The following CSMD1 variants were observed in gnomAD, a reference collection of about 807,000 sequenced individuals.
CSMD1 encodes CUB and sushi domain-containing protein 1.
Under a neutral mutation model 417.5 loss-of-function variants are expected in CSMD1, and 213 were observed. That is an observed-to-expected ratio of 0.51 (90% CI 0.46 to 0.57). The LOEUF is 0.57. Among genes scored for constraint, CSMD1 ranks in the 20% least tolerant of loss-of-function variants. The probability of loss-of-function intolerance (pLI) is 0.00; values close to 1 mark genes in which losing one functional copy is unlikely to be tolerated. For synonymous variants in CSMD1, 2,862 were observed against 1,736.8 expected (o/e 1.65, Z -16.11); for missense variants, 6,923 against 4,529.7 (o/e 1.53, Z -15.17).
intron 1 of CSMD1, among the ~76,000 whole-genome samples, chr8:4,992,089 C>T (rs974717316): frequency 6.6e-6 from 1 of 152,182 alleles, no homozygotes; most frequent in Non-Finnish European, 1.5e-5. Context: ...CTGGGACCTG[C>T]AGCGCGCAAG....
chr8:4,051,762 G>C (rs549800425), intron 3 of CSMD1, among the ~76,000 whole-genome samples: 1 of 152,242 alleles, frequency 6.6e-6, no homozygotes, highest in Non-Finnish European at 1.5e-5. Context: ...TGCTGGTTTT[G>C]GTAGGGCTCC....
intron 2 of CSMD1, among the ~76,000 whole-genome samples, chr8:4,608,374 G>C (rs1216935824): frequency 1.3e-5 from 2 of 152,198 alleles, no homozygotes; most frequent in African/African-American, 2.4e-5. Flanking sequence ...GAACATGGTG[G>C]AGTGGCAGAG....
chr8:3,575,111 A>T (rs771982664), intron 9 of CSMD1, 45 bp from the exon 10 acceptor site: 1 of 1,594,654 alleles, frequency 6.3e-7, no homozygotes, highest in African/African-American at 1.3e-5. Context: ...ACATTGTGTC[A>T]GTTTGGTAAA....
intron 5 of CSMD1, among the ~76,000 whole-genome samples, chr8:3,860,959 G>A (rs991476384): frequency 1.3e-5 from 2 of 152,178 alleles, no homozygotes; most frequent in African/African-American, 2.4e-5. Flanking sequence ...TATACTTCAT[G>A]CAAAATGAAA....
intron 1 of CSMD1, among the ~76,000 whole-genome samples, chr8:4,833,664 G>T (rs1027262277): frequency 6.6e-6 from 1 of 152,210 alleles, no homozygotes; most frequent in Non-Finnish European, 1.5e-5. Flanking sequence ...ACTACGTAGA[G>T]TGTTGCCTGC....
chr8:3,270,046 C>CTTTTTTTTTTTTTTTTTTTTTTTT (rs200994813), intron 26 of CSMD1, among the ~76,000 whole-genome samples: 1 of 118,384 alleles, frequency 8.4e-6, no homozygotes. Context: ...CTAACCTCTT[C>CTTTTTTTTTTTTTTTTTTTTTTTT]TTTTTTTTTT....
At chr8:3,934,609 C>A (rs1014338961) in intron 5 of CSMD1, among the ~76,000 whole-genome samples, 2 of 152,140 alleles carry the variant, frequency 1.3e-5, no homozygotes, top group Non-Finnish European at 2.9e-5. Flanking sequence ...AATCTCAGCA[C>A]TTTGGCAGGC....
intron 25 of CSMD1, among the ~76,000 whole-genome samples, chr8:3,292,645 G>T (rs1455710048): frequency 6.6e-6 from 1 of 152,046 alleles, no homozygotes; most frequent in African/African-American, 2.4e-5. Flanking sequence ...GACTAGGATG[G>T]CAACCCCTGC....
chr8:4,824,294 G>T (rs536804142), intron 1 of CSMD1, among the ~76,000 whole-genome samples: 5 of 152,090 alleles, frequency 3.3e-5, no homozygotes, highest in African/African-American at 1.2e-4. Context: ...TCTTGGGTAC[G>T]TATCAATTGA....
chr8:3,377,122 C>T (rs574750575), intron 18 of CSMD1, among the ~76,000 whole-genome samples: 1 of 148,700 alleles, frequency 6.7e-6, no homozygotes, highest in African/African-American at 2.4e-5. Flanking sequence ...GATCCCCCTG[C>T]CTCAGCGTCC....
intron 5 of CSMD1, among the ~76,000 whole-genome samples, chr8:3,800,076 T>G (rs1800374521): frequency 6.6e-6 from 1 of 152,168 alleles, no homozygotes; most frequent in Admixed American, 6.6e-5. Flanking sequence ...CATTTGCAGT[T>G]GATGCTACAG....
intron 1 of CSMD1, among the ~76,000 whole-genome samples, chr8:4,642,861 AGG>A: frequency 6.6e-6 from 1 of 152,346 alleles, no homozygotes; most frequent in Middle Eastern, 3.4e-3. Context: ...AATTGGGTTT[AGG>A]GACTTAGAAA....
At chr8:3,431,167 A>G (rs1301874068) in intron 12 of CSMD1, among the ~76,000 whole-genome samples, 3 of 152,314 alleles carry the variant, frequency 2.0e-5, no homozygotes, top group East Asian at 3.9e-4. Flanking sequence ...TGGACTCTCT[A>G]TGGAAGAGGG....
rs571035051 is a variant in CSMD1 at position 4,393,949 on chromosome 8, G to A, written c.415+26004C>T. On this transcript the variant is annotated intron_variant, in intron 3 of 69. Coordinates refer to ENST00000635120, the MANE Select transcript of CSMD1 (RefSeq NM_033225.6). Reference sequence around the variant, plus strand: ...ATTGTAAGATATTGCCTGTGTTTCAGGTATTAACGCAGAATATGCCATTTG... The same window carrying A: ...ATTGTAAGATATTGCCTGTGTTTCAAGTATTAACGCAGAATATGCCATTTG... Among the ~76,000 whole-genome samples the A allele has an allele frequency of 3.9e-5, 6 of 152,246 alleles. No homozygotes were observed. In the East Asian group the frequency reaches 1.2e-3, roughly 29 times the overall value.
At chr8:3,118,853 C>G (rs1225632308) in intron 41 of CSMD1, among the ~76,000 whole-genome samples, 1 of 152,022 alleles carries the variant, frequency 6.6e-6, no homozygotes, top group Non-Finnish European at 1.5e-5. Context: ...TAATGCTTAC[C>G]TTGGAAAAAA....
chr8:3,684,238 T>G (rs984002560), intron 7 of CSMD1, among the ~76,000 whole-genome samples: 1 of 143,440 alleles, frequency 7.0e-6, no homozygotes, highest in African/African-American at 2.5e-5. Context: ...ATATAATATA[T>G]AATTTATATA....
chr8:4,175,552 C>G (rs1797994277), intron 3 of CSMD1, among the ~76,000 whole-genome samples: 2 of 152,044 alleles, frequency 1.3e-5, no homozygotes, highest in Non-Finnish European at 1.5e-5. Flanking sequence ...CATGATAAAA[C>G]CAGCCCTTAG....
intron 25 of CSMD1, among the ~76,000 whole-genome samples, chr8:3,289,999 T>C (rs1803430860): frequency 6.8e-6 from 1 of 147,554 alleles, no homozygotes; most frequent in Non-Finnish European, 1.5e-5. Context: ...GAATTAATTT[T>C]TGTGTAAGGT....
chr8:3,324,504 C>A (rs1806386923), intron 23 of CSMD1, among the ~76,000 whole-genome samples: 2 of 143,494 alleles, frequency 1.4e-5, no homozygotes, highest in South Asian at 2.3e-4. Flanking sequence ...ACACATTCAA[C>A]CCCCAGAGAC....
Sources: allele counts gnomAD v4.1 joint callset (sites outside exome capture counted in the v4.1 genomes callset), GRCh38; gene constraint gnomAD v4.1.1; transcripts MANE v1.5; gene names NCBI Gene and HGNC (gene_info 2026-07-23, HGNC 2026-07-21).